The following PSD3 variants were observed in gnomAD, a reference collection of about 807,000 sequenced individuals.
PSD3 encodes PH and SEC7 domain-containing protein 3.
In PSD3, 49 loss-of-function variants were observed where a neutral mutation model predicts 105.5. That is an observed-to-expected ratio of 0.46 (90% CI 0.37 to 0.59). PSD3 has a LOEUF of 0.59. PSD3 is among the 20% of genes least tolerant of loss of function. The pLI is 0.00. For missense variants in PSD3, 1,561 were observed against 1,263.8 expected (o/e 1.24, Z -3.57); for synonymous variants, 557 against 457.8 (o/e 1.22, Z -2.77).
intron 15 of PSD3, among the ~76,000 whole-genome samples, chr8:18,555,168 C>G (rs564861029): frequency 2.0e-5 from 3 of 151,786 alleles, no homozygotes; most frequent in Non-Finnish European, 2.9e-5. Flanking sequence ...TTAGGATGAA[C>G]GGAAGGAGAG....
At chr8:18,930,804 G>A (rs766711794) in intron 2 of PSD3, among the ~76,000 whole-genome samples, 4 of 151,960 alleles carry the variant, frequency 2.6e-5, no homozygotes, top group African/African-American at 9.7e-5. Flanking sequence ...TCTTGATCTC[G>A]TGATCTGCCC....
chr8:18,783,505 T>C (rs1808837446), intron 8 of PSD3, among the ~76,000 whole-genome samples: 1 of 152,226 alleles, frequency 6.6e-6, no homozygotes, highest in Admixed American at 6.5e-5. Context: ...GAGTTTGCTT[T>C]TGTTTCTTTC....
chr8:18,832,318 CT>C (rs34335110), intron 4 of PSD3, among the ~76,000 whole-genome samples: 17 of 149,066 alleles, frequency 1.1e-4, no homozygotes, highest in Middle Eastern at 3.5e-3. Flanking sequence ...TATAAAACTG[CT>C]TTTTTTTTTC....
chr8:18,990,777 C>T (rs1040013903), intron 1 of PSD3, among the ~76,000 whole-genome samples: 22 of 152,186 alleles, frequency 1.4e-4, no homozygotes, highest in African/African-American at 4.8e-4. Flanking sequence ...GCCTGTCCTC[C>T]ACCTACCTTT....
chr8:18,811,238 A>G (rs10102455), intron 4 of PSD3, among the ~76,000 whole-genome samples: 28,645 of 152,084 alleles, frequency 0.19, 3,208 homozygotes, highest in African/African-American at 0.31. Flanking sequence ...GGGAAAACTG[A>G]GGCAAGGAGC....
chr8:19,060,615 C>T (rs555889809), intron 1 of PSD3, among the ~76,000 whole-genome samples: 75 of 152,320 alleles, frequency 4.9e-4, no homozygotes, highest in Admixed American at 1.4e-3. Flanking sequence ...GCCTGGGCAA[C>T]AGAGTGAGAC....
intron 15 of PSD3, among the ~76,000 whole-genome samples, chr8:18,546,702 A>G (rs13254898): frequency 0.43 from 65,080 of 152,058 alleles, 15,845 homozygotes; most frequent in Admixed American, 0.58. Context: ...ATTAAATACA[A>G]TCACCATGTT....
At chr8:18,592,807 G>C (rs528958595) in intron 12 of PSD3, among the ~76,000 whole-genome samples, 82 of 152,082 alleles carry the variant, frequency 5.4e-4, no homozygotes, top group Non-Finnish European at 1.0e-3. Flanking sequence ...AGAGCCCTCA[G>C]AAATAACACC....
chr8:18,592,241 T>C (rs1585325181), intron 12 of PSD3, among the ~76,000 whole-genome samples: 1 of 151,728 alleles, frequency 6.6e-6, no homozygotes, highest in East Asian at 1.9e-4. Context: ...GTAACTGAAA[T>C]GAAAAATTCA....
intron 1 of PSD3, among the ~76,000 whole-genome samples, chr8:19,035,184 T>C (rs1827900787): frequency 6.6e-6 from 1 of 152,356 alleles, no homozygotes; most frequent in African/African-American, 2.4e-5. Flanking sequence ...ATTATGAACA[T>C]AGTAATTATC....
chr8:18,827,919 C>T lies in PSD3; in HGVS notation c.1635-23021G>A, dbSNP rs370013225. 6.6e-3 allele frequency among the ~76,000 whole-genome samples: 948 copies of T among 144,364 alleles called. 9 individuals carry two copies. The highest frequency in any genetic ancestry group is 0.018 in the Middle Eastern group (5 of 282). 94.7% of individuals were successfully genotyped at this position (144,364 alleles called of 152,430 possible). A position where few individuals can be genotyped will look rare whatever the true frequency, so the allele number is the denominator to read the frequency against. ...AAGATAAGCCAGACTTTTAGGAAGG[C>T]AGCAGATTAAAAAAAAAAAAAAGAA... On this transcript the variant is annotated intron_variant, in intron 4 of 15. Transcript: ENST00000327040.
intron 8 of PSD3, chr8:18,774,626 A>G: frequency 2.6e-6 from 1 of 384,342 alleles, no homozygotes; most frequent in East Asian, 7.7e-5. Flanking sequence ...GGTTCTCCCT[A>G]TGCTTGTTCA....
chr8:19,047,501 G>C (rs921518788), intron 1 of PSD3, among the ~76,000 whole-genome samples: 1 of 152,120 alleles, frequency 6.6e-6, no homozygotes, highest in African/African-American at 2.4e-5. Flanking sequence ...CCTCTGGGAG[G>C]TAAGAATGTG....
intron 1 of PSD3, among the ~76,000 whole-genome samples, chr8:18,971,171 A>C (rs1824627946): frequency 6.6e-6 from 1 of 152,148 alleles, no homozygotes; most frequent in East Asian, 1.9e-4. Flanking sequence ...TACAAATTAA[A>C]AACAAAATGG....
chr8:18,595,118 C>T (rs2717751), intron 12 of PSD3, among the ~76,000 whole-genome samples: 115,550 of 151,592 alleles, frequency 0.76, 44,660 homozygotes, highest in South Asian at 0.89. Flanking sequence ...TAATTTGTGA[C>T]GGAGTAAAAG....
chr8:18,752,682 TA>T (rs1425180856), intron 9 of PSD3, among the ~76,000 whole-genome samples: 1 of 114,634 alleles, frequency 8.7e-6, no homozygotes, highest in Non-Finnish European at 1.7e-5. Flanking sequence ...ATCAAATATA[TA>T]ATCATATATG....
intron 9 of PSD3, among the ~76,000 whole-genome samples, chr8:18,694,527 G>A (rs191904655): frequency 2.1e-3 from 311 of 150,264 alleles, no homozygotes; most frequent in Non-Finnish European, 3.4e-3. Context: ...GGAGAATGGC[G>A]TGAACCCGGG....
At chr8:18,680,218 T>A (rs1258879241) in intron 9 of PSD3, among the ~76,000 whole-genome samples, 1 of 152,242 alleles carries the variant, frequency 6.6e-6, no homozygotes, top group Non-Finnish European at 1.5e-5. Context: ...GAGGCTTAAA[T>A]CAACATTTTC....
chr8:18,655,303 T>G (rs1250547438), intron 10 of PSD3, among the ~76,000 whole-genome samples: 1 of 138,492 alleles, frequency 7.2e-6, no homozygotes, highest in Non-Finnish European at 1.5e-5. Flanking sequence ...CACTCCAGCC[T>G]GGGCGACAAA....
Sources: allele counts gnomAD v4.1 joint callset (sites outside exome capture counted in the v4.1 genomes callset), GRCh38; gene constraint gnomAD v4.1.1; transcripts MANE v1.5; gene names NCBI Gene and HGNC (gene_info 2026-07-23, HGNC 2026-07-21).